The following WDR27 variants were observed in gnomAD, a reference collection of about 807,000 sequenced individuals.
The protein encoded by WDR27 is WD repeat-containing protein 27.
A neutral mutation model predicts 114.4 loss-of-function variants in WDR27; 100 were observed. That is an observed-to-expected ratio of 0.87 (90% CI 0.74 to 1.03). The LOEUF is 1.03. Ranked by LOEUF, WDR27 falls within the 50% of genes least tolerant of loss-of-function variation. The pLI is 0.00. For synonymous variants in WDR27, 449 were observed against 423.1 expected (o/e 1.06, Z -0.75); for missense variants, 1,129 against 1,092.9 (o/e 1.03, Z -0.47).
At chr6:169,603,779 T>A (rs1250123554) in intron 22 of WDR27, among the ~76,000 whole-genome samples, 1 of 152,218 alleles carries the variant, frequency 6.6e-6, no homozygotes, top group Non-Finnish European at 1.5e-5. Flanking sequence ...TGTGCTGCAT[T>A]TTCCCCATTC....
At chr6:169,587,185 G>A (rs1361181850) in intron 23 of WDR27, among the ~76,000 whole-genome samples, 1 of 150,444 alleles carries the variant, frequency 6.6e-6, no homozygotes, top group African/African-American at 2.4e-5. Context: ...AACCTGTTCA[G>A]GAAGATATCC....
At chr6:169,588,522 A>G (rs919010772) in intron 23 of WDR27, among the ~76,000 whole-genome samples, 1 of 152,242 alleles carries the variant, frequency 6.6e-6, no homozygotes, top group Non-Finnish European at 1.5e-5. Flanking sequence ...AAAATCATGT[A>G]TAAGTGGACC....
the WDR27 span, among the ~76,000 whole-genome samples, chr6:169,442,623 C>T: frequency 6.6e-6 from 1 of 152,216 alleles, no homozygotes; most frequent in Non-Finnish European, 1.5e-5. Flanking sequence ...TTTGTCTTCT[C>T]ATGAGGTAGT....
At chr6:169,601,070 G>A (rs993752268) in intron 23 of WDR27, among the ~76,000 whole-genome samples, 12 of 152,094 alleles carry the variant, frequency 7.9e-5, no homozygotes, top group African/African-American at 2.2e-4. Flanking sequence ...GAGAAAGGTC[G>A]GGTTACCCAC....
chr6:169,592,526 T>C (rs752114170), intron 23 of WDR27, among the ~76,000 whole-genome samples: 2 of 152,218 alleles, frequency 1.3e-5, no homozygotes, highest in African/African-American at 2.4e-5. Context: ...TTGAATTCCA[T>C]ATATTAGTTT....
At chr6:169,449,424 G>C in the WDR27 span, among the ~76,000 whole-genome samples, 6 of 152,160 alleles carry the variant, frequency 3.9e-5, no homozygotes, top group Non-Finnish European at 8.8e-5. Flanking sequence ...TGCAACGAGT[G>C]GTGTTTTCTT....
Position 169,557,004 on chromosome 6 carries a change from G to A in WDR27, c.2645+15415C>T, listed in dbSNP as rs576587838. 3.3e-4 allele frequency among the ~76,000 whole-genome samples: 50 copies of A among 152,290 alleles called. 1 individual carries two copies. In the South Asian group the frequency reaches 6.8e-3, roughly 21 times the overall value. On this transcript the variant is annotated intron_variant, in intron 25 of 25. Transcript: ENST00000448612. Reference sequence around the variant, plus strand: ...CCATGCAAAACTGAGAGGCAGTTACGTTGCGGTTAAGCACACATCGCCCTC... The same window carrying A: ...CCATGCAAAACTGAGAGGCAGTTACATTGCGGTTAAGCACACATCGCCCTC...
In WDR27 at chr6:169,664,876, G is replaced by A. The variant is rs35822875; in HGVS notation, c.784-590C>T. 0.014 allele frequency: 12,248 copies of A among 905,496 alleles called. 1,407 individuals carry two copies. In the East Asian group the frequency reaches 0.51, roughly 38 times the overall value. 56.1% of individuals were successfully genotyped at this position (905,496 alleles called of 1,614,324 possible). A position where few individuals can be genotyped will look rare whatever the true frequency, so the allele number is the denominator to read the frequency against. On this transcript the variant is annotated intron_variant, in intron 7 of 25. Transcript: ENST00000448612. ...GCACGGGGGATGCCACACAGGAGCC[G>A]TCCAGGGCGCCTCTCCGGGGCGCGG...
At chr6:169,643,477 G>A (rs1819702880) in intron 17 of WDR27, among the ~76,000 whole-genome samples, 1 of 152,132 alleles carries the variant, frequency 6.6e-6, no homozygotes, top group African/African-American at 2.4e-5. Context: ...TGGCCTCCAG[G>A]GCAACAGCCA....
intron 1 of WDR27, 42 bp from the exon 2 acceptor site, chr6:169,689,054 A>G: frequency 6.9e-7 from 1 of 1,440,986 alleles, no homozygotes; most frequent in South Asian, 1.4e-5. Flanking sequence ...TAGGTATCAT[A>G]TTTAATACAG....
intron 17 of WDR27, among the ~76,000 whole-genome samples, chr6:169,638,899 G>A (rs1415823398): frequency 2.6e-5 from 4 of 152,190 alleles, no homozygotes; most frequent in Admixed American, 1.3e-4. Context: ...AAAGCCTCAC[G>A]TTCCATTTTT....
chr6:169,665,378 T>C (rs1431104251), intron 7 of WDR27, 108 bp downstream of exon 7: 5 of 1,467,896 alleles, frequency 3.4e-6, no homozygotes, highest in African/African-American at 2.8e-5. Flanking sequence ...GGACAGGTTT[T>C]TTCAAATCGC....
At position 169,603,929 on chromosome 6, in the gene WDR27, C is replaced by T. The variant is rs78610232; in HGVS notation, c.2322-1608G>A. 3.5e-3 allele frequency among the ~76,000 whole-genome samples: 529 copies of T among 152,194 alleles called. 6 individuals are homozygous for T. The highest frequency in any genetic ancestry group is 0.033 in the East Asian group (170 of 5,176). ...GAAATGAATGAAGGTGATAACACAA[C>T]GTAGTAAAGCCTGTATGATACAGTA... On this transcript the variant is annotated intron_variant, in intron 22 of 25. Transcript: ENST00000448612.
chr6:169,427,990 C>A, the WDR27 span, among the ~76,000 whole-genome samples: 1 of 152,022 alleles, frequency 6.6e-6, no homozygotes, highest in Non-Finnish European at 1.5e-5. Context: ...CCAGAGGGGT[C>A]CCGGAGAAAG....
At chr6:169,627,799 G>C (rs1311775263) in intron 21 of WDR27, among the ~76,000 whole-genome samples, 1 of 152,178 alleles carries the variant, frequency 6.6e-6, no homozygotes, top group African/African-American at 2.4e-5. Context: ...GAACTAGGCA[G>C]GCCTGGAGTC....
At chr6:169,663,857 A>C (rs1008983539) in intron 8 of WDR27, 2 of 386,086 alleles carry the variant, frequency 5.2e-6, no homozygotes, top group Non-Finnish European at 9.3e-6. Context: ...GATCAGCATG[A>C]CCTGCCCTCC....
the WDR27 span, among the ~76,000 whole-genome samples, chr6:169,441,951 G>A: frequency 6.6e-6 from 1 of 152,136 alleles, no homozygotes; most frequent in Admixed American, 6.6e-5. Context: ...ACGGCTTTGG[G>A]AAAACCATCA....
intron 25 of WDR27, among the ~76,000 whole-genome samples, chr6:169,547,694 C>T (rs148673007): frequency 2.8e-4 from 42 of 152,246 alleles, no homozygotes; most frequent in African/African-American, 8.4e-4. Context: ...CTACATCTAA[C>T]ATCACACTTA....
intron 5 of WDR27, chr6:169,667,416 T>G (rs781038260): frequency 4.0e-4 from 491 of 1,225,766 alleles, no homozygotes; most frequent in Non-Finnish European, 4.6e-4. Context: ...CCTGGTGGAT[T>G]TGAAGAATTG....
Sources: allele counts gnomAD v4.1 joint callset (sites outside exome capture counted in the v4.1 genomes callset), GRCh38; gene constraint gnomAD v4.1.1; transcripts MANE v1.5; gene names NCBI Gene and HGNC (gene_info 2026-07-23, HGNC 2026-07-21).